SYAP1: variants seen among roughly 807,000 people sequenced by gnomAD.
SYAP1 encodes synapse-associated protein 1.
A neutral mutation model predicts 29.6 loss-of-function variants in SYAP1; 3 were observed. The ratio of observed to expected loss-of-function variants is 0.10; its 90% CI spans 0.05 to 0.26. The LOEUF (loss-of-function observed/expected upper bound fraction) is 0.26. Ranked by LOEUF, SYAP1 falls within the 10% of genes least tolerant of loss-of-function variation. The pLI is 1.00. For synonymous variants in SYAP1, 102 were observed against 102.7 expected, an observed-to-expected ratio of 0.99 and a Z score of 0.04; for missense variants, 217 against 264.1, an observed-to-expected ratio of 0.82 and a Z score of 1.24.
intron 1 of SYAP1, among the ~76,000 whole-genome samples, chrX:16,725,208 A>T (rs934249102): frequency 2.7e-5 from 3 of 112,595 alleles, no homozygotes; most frequent in Non-Finnish European, 5.6e-5. Context: ...GCTAAGTCGT[A>T]TTCAGATACA....
intron 5 of SYAP1, among the ~76,000 whole-genome samples, chrX:16,751,666 G>A (rs1321488428): frequency 1.9e-5 from 2 of 106,879 alleles, no homozygotes; most frequent in East Asian, 5.9e-4. Flanking sequence ...CTTTTTTAAT[G>A]CTTTTTTTCT....
Position 16,744,064 on chromosome X carries a change from A to G in SYAP1, c.575+224A>G, listed in dbSNP as rs1602330169. On this transcript the variant is annotated intron_variant, in intron 5 of 8. Transcript: ENST00000380155. ...AATGTGCTTTTCTATCCCAGTTACA[A>G]GGTAGAACACATTTCCCTACAGAAA... Among the ~76,000 whole-genome samples the G allele has an allele frequency of 3.6e-5, 4 of 112,269 alleles. No homozygotes were observed. In the Admixed American group the frequency reaches 3.8e-4, roughly 11 times the overall value.
At chrX:16,760,144 T>C in intron 8 of SYAP1, 88 bp from the exon 9 acceptor site, 1 of 961,310 alleles carries the variant, frequency 1.0e-6, no homozygotes, top group South Asian at 3.0e-5. Flanking sequence ...AGCTAGGACT[T>C]TACGTAGGTA....
rs1006512747 is a variant in SYAP1, at chrX:16,761,524, A to T, written c.*1165A>T. 1.8e-5 allele frequency: 2 copies of T among 111,457 alleles called. No homozygotes were observed. Among genetic ancestry groups the T allele is most frequent in the Non-Finnish European group, 3.8e-5 (2 of 53,187 alleles). 9.2% of individuals were successfully genotyped at this position (111,457 alleles called of 1,213,427 possible). ...CCTTCTCTTTCTGCTATACCAGCAG[A>T]CACATATTCATAGAATATGATTATT... On this transcript the variant is annotated 3_prime_UTR_variant, in exon 9 of 9. Coordinates refer to ENST00000380155, the MANE Select transcript of SYAP1 (RefSeq NM_032796.4).
At chrX:16,747,802 G>A (rs1383421542) in intron 5 of SYAP1, among the ~76,000 whole-genome samples, 1 of 112,742 alleles carries the variant, frequency 8.9e-6, no homozygotes, top group East Asian at 2.8e-4. Flanking sequence ...GCTTGCTGAA[G>A]TGGAGCGCAA....
intron 5 of SYAP1, among the ~76,000 whole-genome samples, chrX:16,750,027 T>C (rs943105878): frequency 2.7e-5 from 3 of 111,296 alleles, no homozygotes; most frequent in Non-Finnish European, 5.6e-5. Context: ...CTGGAACTTA[T>C]CAGGACAAAC....
At chrX:16,749,318 A>C (rs936566080) in intron 5 of SYAP1, among the ~76,000 whole-genome samples, 1 of 109,852 alleles carries the variant, frequency 9.1e-6, no homozygotes, top group Non-Finnish European at 1.9e-5. Flanking sequence ...GCCTCCCAAA[A>C]TGCTGGGATT....
At chrX:16,754,553 C>A (rs1489421671) in intron 5 of SYAP1, among the ~76,000 whole-genome samples, 2 of 110,816 alleles carry the variant, frequency 1.8e-5, no homozygotes, top group African/African-American at 6.6e-5. Flanking sequence ...CATTGTGAAA[C>A]CCCGTCTCTA....
At chrX:16,732,230 C>T (rs1241450675) in intron 1 of SYAP1, among the ~76,000 whole-genome samples, 3 of 111,909 alleles carry the variant, frequency 2.7e-5, no homozygotes, top group Non-Finnish European at 3.8e-5. Context: ...AGTATTTAAG[C>T]ACTTCTATTT....
chrX:16,732,807 C>T (rs1602322961), intron 1 of SYAP1, among the ~76,000 whole-genome samples: 2 of 112,117 alleles, frequency 1.8e-5, no homozygotes, highest in Admixed American at 9.5e-5. Context: ...TCAACAAGTA[C>T]GTACTGGTCA....
At position 16,762,083 on chromosome X, in the gene SYAP1, G is replaced by A. The variant is rs1400749463; in HGVS notation, c.*1724G>A. The A allele has an allele frequency of 8.9e-6, 1 of 112,143 alleles. No homozygotes were observed. The highest frequency in any genetic ancestry group is 1.9e-5 in the Non-Finnish European group (1 of 53,291). 9.2% of individuals were successfully genotyped at this position (112,143 alleles called of 1,213,427 possible). Reference sequence around the variant, plus strand: ...TGGTGCCACAGTTGCTTATTACTGAGTTTGGGTTCCAAGATGACTGGCAAC... The same window carrying A: ...TGGTGCCACAGTTGCTTATTACTGAATTTGGGTTCCAAGATGACTGGCAAC... On this transcript the variant is annotated 3_prime_UTR_variant, in exon 9 of 9. Transcript: ENST00000380155.
intron 1 of SYAP1, among the ~76,000 whole-genome samples, chrX:16,721,992 T>C: frequency 8.9e-6 from 1 of 112,473 alleles, no homozygotes; most frequent in Non-Finnish European, 1.9e-5. Context: ...AATTTAAAGC[T>C]TCAGAATAAA....
chrX:16,757,925 A>G (rs1242954940), intron 8 of SYAP1, among the ~76,000 whole-genome samples: 1 of 110,156 alleles, frequency 9.1e-6, no homozygotes, highest in African/African-American at 3.3e-5. Context: ...AATAATAATA[A>G]TAATAAATTT....
In SYAP1 at chrX:16,719,694, A is replaced by G. The variant is rs776418574; in HGVS notation, c.-31A>G. On this transcript the variant is annotated 5_prime_UTR_variant, in exon 1 of 9. Coordinates refer to ENST00000380155, the MANE Select transcript of SYAP1 (RefSeq NM_032796.4). ...CCAGTGCTCGCTGCGGTCTCTGGGGATCGGGACCGCGGCGGCGGCCCGCGA... is the reference window on the plus strand; with the variant it reads ...CCAGTGCTCGCTGCGGTCTCTGGGGGTCGGGACCGCGGCGGCGGCCCGCGA... 8.3e-7 allele frequency: 1 copy of G among 1,197,692 alleles called. No individual in the cohort carries two copies. The highest frequency in any genetic ancestry group is 2.2e-5 in the Admixed American group (1 of 44,497).
chrX:16,741,866 G>T (rs1926467957), intron 4 of SYAP1, 77 bp downstream of exon 4: 19 of 719,349 alleles, frequency 2.6e-5, no homozygotes, highest in Non-Finnish European at 3.7e-5. Context: ...GACTTTAGTA[G>T]AATTTATTTT....
At chrX:16,746,293 A>G (rs1367337647) in intron 5 of SYAP1, among the ~76,000 whole-genome samples, 1 of 105,671 alleles carries the variant, frequency 9.5e-6, no homozygotes, top group Non-Finnish European at 1.9e-5. Flanking sequence ...CTGGAGTGCA[A>G]TGGCGTGATC....
At chrX:16,755,570 C>T (rs1265435532) in intron 6 of SYAP1, among the ~76,000 whole-genome samples, 9 of 108,853 alleles carry the variant, frequency 8.3e-5, no homozygotes, top group Non-Finnish European at 1.5e-4. Flanking sequence ...CTGATTCAGT[C>T]CGCCTCCTTT....
chrX:16,730,678 C>A (rs930620403), intron 1 of SYAP1, among the ~76,000 whole-genome samples: 2 of 112,414 alleles, frequency 1.8e-5, no homozygotes, highest in African/African-American at 6.5e-5. Flanking sequence ...AATTCCGTTT[C>A]ATAAATTCTT....
intron 8 of SYAP1, among the ~76,000 whole-genome samples, chrX:16,759,926 T>C (rs1926943777): frequency 1.8e-5 from 2 of 112,511 alleles, no homozygotes. Flanking sequence ...CAAGTATTAA[T>C]TATCATTTAC....
Sources: allele counts gnomAD v4.1 joint callset (sites outside exome capture counted in the v4.1 genomes callset), GRCh38; gene constraint gnomAD v4.1.1; transcripts MANE v1.5; gene names NCBI Gene and HGNC (gene_info 2026-07-23, HGNC 2026-07-21).